The following GPBP1 variants were observed in gnomAD, a reference collection of about 807,000 sequenced individuals.
GPBP1 encodes vasculin.
GPBP1 carries 13 observed loss-of-function variants against 56.5 expected under a neutral mutation model. The ratio of observed to expected loss-of-function variants is 0.23; its 90% confidence interval spans 0.15 to 0.37. The LOEUF is 0.37. Among genes scored for constraint, GPBP1 ranks in the 10% least tolerant of loss-of-function variants. The pLI, the probability that GPBP1 is intolerant of heterozygous loss-of-function variation, is 1.00. For missense variants in GPBP1, 477 were observed against 572.3 expected (o/e 0.83, Z 1.70); for synonymous variants, 204 against 188.9 (o/e 1.08, Z -0.66).
chr5:57,225,229 C>T (rs960217588), intron 3 of GPBP1, among the ~76,000 whole-genome samples: 6 of 151,998 alleles, frequency 3.9e-5, no homozygotes, highest in Admixed American at 6.6e-5. Context: ...GAGGCCAAGG[C>T]GGGCGGATCA....
Position 57,231,332 on chromosome 5 carries a change from T to A in GPBP1, c.411+11T>A. On this transcript the variant is annotated intron_variant, in intron 5 of 11. Coordinates refer to ENST00000506184, the MANE Select transcript of GPBP1 (RefSeq NM_022913.4). ...GAAGCTGAGGATTTTGTAAGTTTTT[T>A]ATGACTTTTATACAAATGAAGTTTC... 2 of 1,595,768 alleles carry A rather than the reference T, an allele frequency of 1.3e-6. No individual in the cohort carries two copies. Among genetic ancestry groups the A allele is most frequent in the Non-Finnish European group, 8.6e-7 (1 of 1,166,930 alleles).
At chr5:57,206,326 A>C (rs532512815) in intron 2 of GPBP1, among the ~76,000 whole-genome samples, 1 of 152,174 alleles carries the variant, frequency 6.6e-6, no homozygotes, top group African/African-American at 2.4e-5. Context: ...AGGAAGCTTT[A>C]TCTCCCTGTT....
rs1466302375 is a variant in GPBP1 at position 57,231,105 on chromosome 5, T to C, written c.195T>C (p.Phe65=). 4 of 1,612,376 alleles carry C rather than the reference T, an allele frequency of 2.5e-6. No individual in the cohort carries two copies. The highest frequency in any genetic ancestry group is 3.3e-4 in the Middle Eastern group (2 of 6,058). ...TGCTATTATCAAATAAAGGTAACTT[T>C]GGAAGGAAAGAAAAAAATGGATGGC... The part of the protein sequence containing the change: ...SAIGRPNGGN[F]GRKEKNGWRT... Residue 65 remains phenylalanine (F), a synonymous_variant, in exon 5 of 12, where the codon TTT becomes TTC. Coordinates refer to ENST00000506184, the MANE Select transcript of GPBP1 (RefSeq NM_022913.4).
At chr5:57,192,352 C>T (rs1052001186) in intron 2 of GPBP1, among the ~76,000 whole-genome samples, 1 of 152,096 alleles carries the variant, frequency 6.6e-6, no homozygotes, top group African/African-American at 2.4e-5. Context: ...CGCTAGATTG[C>T]AGTGGTAGCT....
intron 3 of GPBP1, among the ~76,000 whole-genome samples, chr5:57,219,545 T>C (rs892250610): frequency 1.1e-4 from 16 of 152,140 alleles, no homozygotes; most frequent in Admixed American, 3.3e-4. Flanking sequence ...ATTCTTGTTA[T>C]TGACTTTTGC....
At chr5:57,253,134 G>GT (rs1416140965) in intron 10 of GPBP1, among the ~76,000 whole-genome samples, 6 of 151,988 alleles carry the variant, frequency 3.9e-5, no homozygotes, top group South Asian at 2.1e-4. Flanking sequence ...ATTTATTTTT[G>GT]TTTTTTTGTA....
intron 6 of GPBP1, among the ~76,000 whole-genome samples, chr5:57,242,592 C>G (rs1328899389): frequency 6.6e-6 from 1 of 152,094 alleles, no homozygotes; most frequent in Non-Finnish European, 1.5e-5. Context: ...CTCCTAGGCT[C>G]AAGCGATCTT....
At chr5:57,228,462 A>C (rs1756292886) in intron 3 of GPBP1, among the ~76,000 whole-genome samples, 1 of 151,900 alleles carries the variant, frequency 6.6e-6, no homozygotes, top group South Asian at 2.1e-4. Context: ...CTCAAAAAAA[A>C]AAAAAGTCTG....
Position 57,231,344 on chromosome 5 carries a change from A to G in GPBP1, c.411+23A>G, listed in dbSNP as rs7729224. 2.4e-4 allele frequency: 380 copies of G among 1,576,940 alleles called. 2 individuals are homozygous for G. In the African/African-American group the frequency reaches 4.4e-3, roughly 18 times the overall value. ...TTTGTAAGTTTTTTATGACTTTTAT[A>G]CAAATGAAGTTTCTGTAAGTGCTAT... On this transcript the variant is annotated intron_variant, in intron 5 of 11. Coordinates refer to ENST00000506184, the MANE Select transcript of GPBP1 (RefSeq NM_022913.4).
Position 57,247,418 on chromosome 5 carries a change from C to T in GPBP1, c.804+203C>T, listed in dbSNP as rs542267631. Among the ~76,000 whole-genome samples, 13 of 152,222 alleles carry T rather than the reference C, an allele frequency of 8.5e-5. 1 individual carries two copies. The South Asian group carries it at 2.5e-3, about 29-fold the overall frequency. On this transcript the variant is annotated intron_variant, in intron 8 of 11. Coordinates refer to ENST00000506184, the MANE Select transcript of GPBP1 (RefSeq NM_022913.4). ...ATTTAAAATATTTTAAATGAAAATT[C>T]CCAGCTCATTCCTATAATCCCAACA...
At chr5:57,220,197 C>G (rs999149594) in intron 3 of GPBP1, among the ~76,000 whole-genome samples, 3 of 151,744 alleles carry the variant, frequency 2.0e-5, no homozygotes. Context: ...ACTATCTTGC[C>G]CAGGCTGGTC....
chr5:57,240,145 C>T lies in GPBP1; in HGVS notation c.478+4113C>T, dbSNP rs534877710. Among the ~76,000 whole-genome samples, 12 of 151,754 alleles carry T rather than the reference C, an allele frequency of 7.9e-5. No individual in the cohort carries two copies. The East Asian group carries it at 1.8e-3, about 22-fold the overall frequency. Reference sequence around the variant, plus strand: ...GTGTGTCTGTAGTCTTAGCTACTTGCGAGGCTGAGGTGGGAGGACTGCTTG... The same window carrying T: ...GTGTGTCTGTAGTCTTAGCTACTTGTGAGGCTGAGGTGGGAGGACTGCTTG... On this transcript the variant is annotated intron_variant, in intron 6 of 11. Transcript: ENST00000506184.
intron 10 of GPBP1, among the ~76,000 whole-genome samples, chr5:57,254,047 A>G (rs1741518469): frequency 6.6e-6 from 1 of 152,136 alleles, no homozygotes; most frequent in Admixed American, 6.5e-5. Context: ...TGCCTCAGCC[A>G]TTGGAACAGC....
intron 3 of GPBP1, 126 bp from the exon 4 acceptor site, chr5:57,230,720 A>C (rs2111852157): frequency 2.5e-6 from 2 of 805,148 alleles, no homozygotes; most frequent in South Asian, 3.1e-5. Context: ...AATACCTTGA[A>C]AATAACTGCA....
At chr5:57,260,799 T>C (rs1309808342) in intron 10 of GPBP1, among the ~76,000 whole-genome samples, 1 of 152,182 alleles carries the variant, frequency 6.6e-6, no homozygotes, top group Non-Finnish European at 1.5e-5. Flanking sequence ...TGTTCATGAC[T>C]GCCCAAGTAG....
chr5:57,206,256 TTTAA>T (rs1755230801), intron 2 of GPBP1, among the ~76,000 whole-genome samples: 1 of 152,184 alleles, frequency 6.6e-6, no homozygotes, highest in Admixed American at 6.5e-5. Flanking sequence ...GTTTTCTTTT[TTTAA>T]TTGTTACTCT....
intron 8 of GPBP1, among the ~76,000 whole-genome samples, chr5:57,248,203 G>C (rs1402262902): frequency 4.6e-5 from 7 of 152,156 alleles, no homozygotes; most frequent in Admixed American, 4.6e-4. Context: ...ACACTGATTG[G>C]GGGGAAAGGA....
rs1457053043 is a variant in GPBP1, at chr5:57,176,245, G to C, written c.-213G>C. 2.6e-6 allele frequency: 1 copy of C among 377,972 alleles called. No individual in the cohort carries two copies. The highest frequency in any genetic ancestry group is 4.5e-5 in the Admixed American group (1 of 22,196). 23.4% of individuals were successfully genotyped at this position (377,972 alleles called of 1,614,324 possible). On this transcript the variant is annotated 5_prime_UTR_variant, in exon 2 of 12. It removes the in-frame stop codon of an upstream open reading frame in the 5' UTR. Coordinates refer to ENST00000506184, the MANE Select transcript of GPBP1 (RefSeq NM_022913.4). ...AAACTTTAAAACAGAAGTATGGGTA[G>C]CTGACTTGAAGTAACTCTATGTCAA...
chr5:57,195,725 G>T (rs183034364), intron 2 of GPBP1, among the ~76,000 whole-genome samples: 1 of 152,022 alleles, frequency 6.6e-6, no homozygotes, highest in Admixed American at 6.5e-5. Flanking sequence ...TCGGCTGGGC[G>T]CAGTGGCTCG....
Sources: gnomAD v4.1 joint callset for allele counts (sites outside exome capture counted in the v4.1 genomes callset) on GRCh38, gnomAD v4.1.1 for gene constraint, MANE v1.5 for transcripts, NCBI Gene and HGNC (gene_info 2026-07-23, HGNC 2026-07-21) for gene names.